The following ZC3H13 variants were observed in gnomAD, a reference collection of about 807,000 sequenced individuals.
The protein encoded by ZC3H13 is zinc finger CCCH domain-containing protein 13.
In ZC3H13, 64 loss-of-function variants were observed where a neutral mutation model predicts 204.1. The ratio of observed to expected loss-of-function variants is 0.31; its 90% confidence interval spans 0.26 to 0.39. The LOEUF (loss-of-function observed/expected upper bound fraction) is 0.39, where lower values mean the gene tolerates loss of function less well. Among genes scored for constraint, ZC3H13 ranks in the 10% least tolerant of loss-of-function variants. The pLI, the probability that ZC3H13 is intolerant of heterozygous loss-of-function variation, is 1.00. For missense variants in ZC3H13, 1,833 were observed against 2,082.7 expected, an observed-to-expected ratio of 0.88 and a Z score of 2.33; for synonymous variants, 667 against 693.7, an observed-to-expected ratio of 0.96 and a Z score of 0.60.
intron 8 of ZC3H13, among the ~76,000 whole-genome samples, chr13:45,989,525 G>A (rs2039816753): frequency 6.6e-6 from 1 of 152,184 alleles, no homozygotes; most frequent in African/African-American, 2.4e-5. Flanking sequence ...TCATGGCTAT[G>A]GTAAAAGGGG....
Position 46,045,447 on chromosome 13 carries a change from A to G in ZC3H13, c.61T>C (p.Ser21Pro). 1 of 1,614,066 alleles carries G rather than the reference A, an allele frequency of 6.2e-7. No homozygotes were observed. The highest frequency in any genetic ancestry group is 8.5e-7 in the Non-Finnish European group (1 of 1,179,984). ...ENTKTISDSTSRRPSVFERLG... is the reference protein window; with the variant it reads ...ENTKTISDSTPRRPSVFERLG... Reference sequence around the variant, plus strand: ...CTCTCAAATACACTGGGTCTTCGGGATGTGCTATCAGATATAGTCTTGGTA... The same window carrying G: ...CTCTCAAATACACTGGGTCTTCGGGGTGTGCTATCAGATATAGTCTTGGTA... Residue 21 changes from serine (S) to proline (P), a missense_variant, in exon 2 of 19, where the codon TCC becomes CCC. By Grantham distance (74) the Ser-to-Pro change is moderately conservative. This residue lies in a region of ZC3H13 where 24 missense variants were observed against 27.6 expected (regional missense o/e 0.87). Coordinates refer to ENST00000679008, the MANE Select transcript of ZC3H13 (RefSeq NM_001330564.2).
chr13:45,987,539 C>CA (rs143593381), intron 9 of ZC3H13, among the ~76,000 whole-genome samples: 68,018 of 150,222 alleles, frequency 0.45, 15,868 homozygotes, highest in African/African-American at 0.57. Context: ...ATCATACATA[C>CA]AAAAAAAAAA....
intron 4 of ZC3H13, among the ~76,000 whole-genome samples, chr13:46,039,350 G>A (rs1198605276): frequency 6.6e-6 from 1 of 152,118 alleles, no homozygotes; most frequent in Non-Finnish European, 1.5e-5. Flanking sequence ...TTCTATAAGA[G>A]CCTAAAGACA....
chr13:45,985,743 T>C lies in ZC3H13; in HGVS notation c.1274A>G (p.Asp425Gly). ...TTCTTCTCTTGAGTCCTTTTCTCTG[T>C]CTCGTTTGCCCCTAGTATCTGTAAT... Reference protein sequence around the residue: ...ERREDTRGKRDREKDSREERE... With the variant: ...ERREDTRGKRGREKDSREERE... The change falls in exon 10 of 19, where the codon GAC becomes GGC. Residue 425 changes from aspartate to glycine, a missense_variant. Asp to Gly is a moderately conservative substitution (Grantham distance 94). This residue lies in a region of ZC3H13 where 1,574 missense variants were observed against 1,757.2 expected (regional missense o/e 0.90). Coordinates refer to ENST00000679008, the MANE Select transcript of ZC3H13 (RefSeq NM_001330564.2). 1 of 1,609,634 alleles carries C rather than the reference T, an allele frequency of 6.2e-7. No individual in the cohort carries two copies. The highest frequency in any genetic ancestry group is 8.5e-7 in the Non-Finnish European group (1 of 1,178,568).
intron 1 of ZC3H13, among the ~76,000 whole-genome samples, chr13:46,050,277 G>C (rs541698140): frequency 2.6e-5 from 4 of 152,124 alleles, no homozygotes; most frequent in African/African-American, 9.6e-5. Context: ...AATTATGGCT[G>C]AGAAAGGAGA....
chr13:45,988,448 G>A (rs1468457404), intron 9 of ZC3H13, among the ~76,000 whole-genome samples: 2 of 151,952 alleles, frequency 1.3e-5, no homozygotes, highest in Non-Finnish European at 2.9e-5. Flanking sequence ...TAGTAGAGAC[G>A]GGGTCTCACC....
chr13:45,990,375 G>A (rs2039884613), intron 8 of ZC3H13, among the ~76,000 whole-genome samples: 1 of 152,120 alleles, frequency 6.6e-6, no homozygotes, highest in Non-Finnish European at 1.5e-5. Context: ...TATAAACTAT[G>A]TTACTAAGTC....
chr13:46,046,703 T>C (rs980009436), intron 1 of ZC3H13, among the ~76,000 whole-genome samples: 2 of 151,860 alleles, frequency 1.3e-5, no homozygotes, highest in East Asian at 3.9e-4. Context: ...TATATATATA[T>C]GTATGTAAAT....
At position 45,988,749 on chromosome 13, in the gene ZC3H13, C is replaced by T. The variant is rs2039743897; in HGVS notation, c.1255+38G>A. On this transcript the variant is annotated intron_variant, in intron 9 of 18. Coordinates refer to ENST00000679008, the MANE Select transcript of ZC3H13 (RefSeq NM_001330564.2). ...TAGTACAACAATAAAGCTGGATGTT[C>T]AATTTTTCAATTAAAAAAATCAAAG... 3 of 1,558,552 alleles carry T rather than the reference C, an allele frequency of 1.9e-6. No individual in the cohort carries two copies. The South Asian group carries it at 3.7e-5, about 19-fold the overall frequency.
chr13:45,989,505 G>A (rs1342615616), intron 8 of ZC3H13, among the ~76,000 whole-genome samples: 1 of 152,196 alleles, frequency 6.6e-6, no homozygotes, highest in African/African-American at 2.4e-5. Context: ...CTTTGAGAAT[G>A]CCTGTAAATT....
chr13:45,994,626 C>T (rs927093428), intron 8 of ZC3H13, among the ~76,000 whole-genome samples: 10 of 152,128 alleles, frequency 6.6e-5, no homozygotes, highest in African/African-American at 9.7e-5. Context: ...TCCTGCCGCA[C>T]GCATGTGGAT....
At chr13:46,033,693 T>C (rs938863426) in intron 4 of ZC3H13, among the ~76,000 whole-genome samples, 47 of 152,138 alleles carry the variant, frequency 3.1e-4, no homozygotes, top group African/African-American at 9.9e-4. Flanking sequence ...AGGAACCAAG[T>C]TTTTTGAGGA....
intron 1 of ZC3H13, among the ~76,000 whole-genome samples, chr13:46,051,604 T>C (rs1251208767): frequency 6.6e-6 from 1 of 152,194 alleles, no homozygotes; most frequent in East Asian, 1.9e-4. Context: ...TCTCCAACGG[T>C]ATCGCGGACT....
Position 45,985,629 on chromosome 13 carries a change from T to A in ZC3H13, c.1388A>T (p.Asp463Val), listed in dbSNP as rs769893642. Residue 463 changes from aspartate to valine, a missense_variant, in exon 10 of 19, where the codon GAT becomes GTT. Asp to Val is a radical substitution (Grantham distance 152). This residue lies in a region of ZC3H13 where 1,574 missense variants were observed against 1,757.2 expected (regional missense o/e 0.90). Transcript: ENST00000679008. Reference protein sequence around the residue: ...RDGRDRRDARDTRDRRELRDS... With the variant: ...RDGRDRRDARVTRDRRELRDS... The stretch of plus-strand genomic sequence containing the variant: ...TCTTAGTTCCCTTCGGTCCCTAGTA[T>A]CTCTGGCATCTCTCCGATCCCGACC... The A allele has an allele frequency of 1.9e-6, 3 of 1,613,966 alleles. No homozygotes were observed. Among genetic ancestry groups the A allele is most frequent in the Admixed American group, 3.3e-5 (2 of 60,000 alleles).
At chr13:46,010,685 G>A (rs1284025131) in intron 6 of ZC3H13, among the ~76,000 whole-genome samples, 180 bp from the exon 7 acceptor site, 1 of 151,632 alleles carries the variant, frequency 6.6e-6, no homozygotes, top group Non-Finnish European at 1.5e-5. Flanking sequence ...TGCTTGAGGT[G>A]AGGAGTTTGA....
intron 3 of ZC3H13, among the ~76,000 whole-genome samples, chr13:46,044,607 G>A (rs981061323): frequency 1.3e-5 from 2 of 151,916 alleles, no homozygotes; most frequent in African/African-American, 2.4e-5. Flanking sequence ...ACTATTTTAA[G>A]AGTTAAAAAT....
intron 4 of ZC3H13, among the ~76,000 whole-genome samples, chr13:46,040,657 T>C (rs906083479): frequency 1.1e-4 from 16 of 152,134 alleles, no homozygotes; most frequent in African/African-American, 3.4e-4. Context: ...CCATCAAGAA[T>C]GTGATGATAA....
Position 46,052,694 on chromosome 13 carries a change from C to A in ZC3H13, c.-300G>T. ...AGATTAAGAAAAGGCAACAAAAACA[C>A]TACCAGGCCGCTAGGAGGACCGCCT... On this transcript the variant is annotated 5_prime_UTR_variant, in exon 1 of 19. Transcript: ENST00000679008. 2.5e-6 allele frequency: 1 copy of A among 398,692 alleles called. No homozygotes were observed. Among genetic ancestry groups the A allele is most frequent in the South Asian group, 1.3e-4 (1 of 7,852 alleles). The allele number at this position is 398,692 out of a possible 1,614,324, so 24.7% of individuals were successfully genotyped here.
intron 5 of ZC3H13, among the ~76,000 whole-genome samples, chr13:46,013,994 T>C (rs147123404): frequency 0.024 from 3,705 of 152,224 alleles, 80 homozygotes; most frequent in Non-Finnish European, 0.039. Flanking sequence ...TCAGGAGCCA[T>C]TTTTTCTAAT....
Sources: allele counts gnomAD v4.1 joint callset (sites outside exome capture counted in the v4.1 genomes callset), GRCh38; gene constraint gnomAD v4.1.1; regional missense constraint gnomAD v4.1.1; transcripts MANE v1.5; gene names NCBI Gene and HGNC (gene_info 2026-07-23, HGNC 2026-07-21).